The following DAB1 variants were observed in gnomAD, a reference collection of about 807,000 sequenced individuals.
DAB1 encodes the protein DAB adaptor protein 1, also known as disabled homolog 1.
Under a neutral mutation model 64.6 loss-of-function variants are expected in DAB1, and 15 were observed. That is an observed-to-expected ratio of 0.23 (90% CI 0.16 to 0.36). The LOEUF is 0.36. Among genes scored for constraint, DAB1 ranks in the 10% least tolerant of loss-of-function variants. The pLI is 1.00. For missense variants in DAB1, 596 were observed against 706.7 expected (o/e 0.84, Z 1.78); for synonymous variants, 235 against 251.9 (o/e 0.93, Z 0.64).
intron 5 of DAB1, among the ~76,000 whole-genome samples, chr1:57,969,877 TG>T (rs1276954553): frequency 2.0e-5 from 3 of 152,186 alleles, no homozygotes; most frequent in African/African-American, 7.2e-5. Flanking sequence ...TGAATATTTG[TG>T]TCTCTCCAAC....
chr1:58,166,307 T>C (rs1655828605), intron 4 of DAB1, among the ~76,000 whole-genome samples: 1 of 152,178 alleles, frequency 6.6e-6, no homozygotes, highest in African/African-American at 2.4e-5. Context: ...CTGTGTCTGT[T>C]TGTAGTCAAT....
intron 4 of DAB1, among the ~76,000 whole-genome samples, chr1:58,294,864 A>ATGTGTGTGTG (rs1661931099): frequency 2.6e-4 from 9 of 34,944 alleles, no homozygotes; most frequent in Non-Finnish European, 6.7e-4. Flanking sequence ...TTGGTCCAGA[A>ATGTGTGTGTG]CGTGTGTGTG....
intron 7 of DAB1, among the ~76,000 whole-genome samples, chr1:57,443,109 A>G (rs1180018057): frequency 6.6e-6 from 1 of 152,224 alleles, no homozygotes; most frequent in African/African-American, 2.4e-5. Context: ...TCCAGAAATA[A>G]ATTAACATAG....
chr1:58,255,722 G>A (rs1040071883), intron 4 of DAB1, among the ~76,000 whole-genome samples: 8 of 152,270 alleles, frequency 5.3e-5, no homozygotes, highest in African/African-American at 9.6e-5. Flanking sequence ...GTCCCCCAAC[G>A]GCAAGAAAGT....
intron 7 of DAB1, among the ~76,000 whole-genome samples, chr1:57,627,540 A>G (rs1403639467): frequency 6.6e-6 from 1 of 152,212 alleles, no homozygotes; most frequent in Non-Finnish European, 1.5e-5. Flanking sequence ...GAAATGGTAC[A>G]CTTGTTTAGT....
At chr1:58,119,405 A>T (rs60227124) in intron 5 of DAB1, among the ~76,000 whole-genome samples, 2,450 of 151,362 alleles carry the variant, frequency 0.016, 62 homozygotes, top group South Asian at 0.1. Flanking sequence ...AATGTATTTA[A>T]TTGTGGGTGC....
At chr1:58,058,990 A>G (rs1648321937) in intron 5 of DAB1, among the ~76,000 whole-genome samples, 1 of 152,178 alleles carries the variant, frequency 6.6e-6, no homozygotes, top group South Asian at 2.1e-4. Flanking sequence ...GCTCTACCTC[A>G]GTTCCTTTAA....
intron 9 of DAB1, among the ~76,000 whole-genome samples, chr1:57,048,571 C>T (rs113134957): frequency 4.6e-5 from 7 of 152,314 alleles, no homozygotes; most frequent in South Asian, 2.1e-4. Context: ...CTCCTACCCA[C>T]GTAATAACGA....
At chr1:58,121,064 G>A (rs985296592) in intron 5 of DAB1, among the ~76,000 whole-genome samples, 1 of 152,032 alleles carries the variant, frequency 6.6e-6, no homozygotes, top group Non-Finnish European at 1.5e-5. Flanking sequence ...TTTTTTCCAC[G>A]TTTATCTGGC....
chr1:57,202,609 G>C (rs1019285228), intron 2 of DAB1, among the ~76,000 whole-genome samples: 1 of 152,176 alleles, frequency 6.6e-6, no homozygotes, highest in Non-Finnish European at 1.5e-5. Flanking sequence ...TGAACTGTAG[G>C]CTTCGAAAAA....
chr1:58,193,344 G>C (rs1265664792), intron 4 of DAB1, among the ~76,000 whole-genome samples: 2 of 152,194 alleles, frequency 1.3e-5, no homozygotes, highest in African/African-American at 4.8e-5. Flanking sequence ...ACCTGAAGCA[G>C]ATGCCAGTGC....
downstream of DAB1, among the ~76,000 whole-genome samples, chr1:57,823,319 C>A (rs1652205007): frequency 6.6e-6 from 1 of 151,652 alleles, no homozygotes; most frequent in Non-Finnish European, 1.5e-5. Context: ...AGAATAAAAA[C>A]CATATTTTAA....
intron 8 of DAB1, among the ~76,000 whole-genome samples, chr1:57,066,709 G>A (rs981314103): frequency 2.0e-5 from 3 of 152,180 alleles, no homozygotes; most frequent in African/African-American, 7.2e-5. Context: ...CGCAAGGAAG[G>A]AGGGGAAACT....
intron 2 of DAB1, among the ~76,000 whole-genome samples, chr1:57,181,997 T>C (rs1005891523): frequency 6.6e-6 from 1 of 152,196 alleles, no homozygotes; most frequent in African/African-American, 2.4e-5. Flanking sequence ...GTGATACTCC[T>C]GCCTCAGCCT....
intron 3 of DAB1, chr1:58,480,982 T>C (rs1175617204): frequency 2.3e-6 from 2 of 867,824 alleles, no homozygotes; most frequent in East Asian, 2.4e-5. Flanking sequence ...CCCGTTCTTT[T>C]CTCAACTATG....
At chr1:57,144,476 A>T (rs1458146522) in intron 3 of DAB1, among the ~76,000 whole-genome samples, 1 of 152,050 alleles carries the variant, frequency 6.6e-6, no homozygotes, top group Non-Finnish European at 1.5e-5. Context: ...CGGACGGATC[A>T]TGAGGTCAGG....
chr1:57,335,802 T>C lies in DAB1; in HGVS notation c.-136-44636A>G, dbSNP rs147957241. ...CCATTTTAAAACCTTTTAGTCAATC[T>C]GGCCCAGAACTAAATCAAGTACACA... On this transcript the variant is annotated intron_variant, in intron 1 of 14. Transcript: ENST00000371236. 1.0e-3 allele frequency among the ~76,000 whole-genome samples: 158 copies of C among 152,358 alleles called. 2 individuals carry two copies. Among genetic ancestry groups the C allele is most frequent in the African/African-American group, 3.3e-3 (139 of 41,586 alleles).
intron 1 of DAB1, among the ~76,000 whole-genome samples, chr1:57,410,932 G>A (rs1363017783): frequency 6.6e-6 from 1 of 152,210 alleles, no homozygotes; most frequent in Non-Finnish European, 1.5e-5. Context: ...GCTCAGGGAA[G>A]AAGAGGAATT....
chr1:58,263,783 G>C (rs955894297), intron 4 of DAB1, among the ~76,000 whole-genome samples: 3 of 152,114 alleles, frequency 2.0e-5, no homozygotes, highest in African/African-American at 7.2e-5. Context: ...ACTAACCTCA[G>C]AAGACTTGGT....
Sources: allele counts gnomAD v4.1 joint callset (sites outside exome capture counted in the v4.1 genomes callset), GRCh38; gene constraint gnomAD v4.1.1; transcripts MANE v1.5; gene names NCBI Gene and HGNC (gene_info 2026-07-23, HGNC 2026-07-21).